The following PRKCA variants were observed in gnomAD, a reference collection of about 807,000 sequenced individuals.
The protein encoded by PRKCA is protein kinase C alpha.
In PRKCA, 27 loss-of-function variants were observed where a neutral mutation model predicts 87.0. That is an observed-to-expected ratio of 0.31 (90% CI 0.23 to 0.43). PRKCA has a LOEUF of 0.43. PRKCA is among the 20% of genes least tolerant of loss of function. The pLI, the probability that PRKCA is intolerant of heterozygous loss-of-function variation, is 1.00. For missense variants in PRKCA, 518 were observed against 852.3 expected (o/e 0.61, Z 4.88); for synonymous variants, 329 against 311.1 (o/e 1.06, Z -0.61).
intron 2 of PRKCA, among the ~76,000 whole-genome samples, chr17:66,382,240 A>G (rs866919202): frequency 1.3e-5 from 2 of 152,174 alleles, no homozygotes; most frequent in Non-Finnish European, 2.9e-5. Flanking sequence ...ACTCGGGGGC[A>G]ATGCACTGAA....
chr17:66,759,837 G>T (rs555685159), intron 13 of PRKCA, among the ~76,000 whole-genome samples: 1 of 152,224 alleles, frequency 6.6e-6, no homozygotes, highest in Non-Finnish European at 1.5e-5. Flanking sequence ...TCATGGAAGG[G>T]CATTACATAA....
At chr17:66,699,698 T>C (rs1237759981) in intron 8 of PRKCA, among the ~76,000 whole-genome samples, 1 of 152,220 alleles carries the variant, frequency 6.6e-6, no homozygotes, top group African/African-American at 2.4e-5. Flanking sequence ...GCAATCCTCC[T>C]GCCTCAGCCT....
intron 2 of PRKCA, among the ~76,000 whole-genome samples, chr17:66,426,500 C>T (rs558189993): frequency 2.0e-5 from 3 of 152,104 alleles, no homozygotes; most frequent in Non-Finnish European, 4.4e-5. Context: ...GTAAGTGAAA[C>T]GTTAAAAGAT....
intron 2 of PRKCA, among the ~76,000 whole-genome samples, chr17:66,389,954 T>C (rs1910271375): frequency 6.6e-6 from 1 of 152,256 alleles, no homozygotes; most frequent in Non-Finnish European, 1.5e-5. Flanking sequence ...CCGGGCGCAG[T>C]GGCTCACGCC....
intron 5 of PRKCA, among the ~76,000 whole-genome samples, chr17:66,667,667 A>C (rs73328237): frequency 0.079 from 12,074 of 152,178 alleles, 603 homozygotes; most frequent in East Asian, 0.15. Flanking sequence ...TTCAAAAGCC[A>C]CCCACACAGG....
At chr17:66,413,492 G>A (rs1598651616) in intron 2 of PRKCA, among the ~76,000 whole-genome samples, 1 of 152,174 alleles carries the variant, frequency 6.6e-6, no homozygotes, top group South Asian at 2.1e-4. Context: ...AGAGGTCAGA[G>A]GGTGGGGTTG....
At chr17:66,498,630 A>C (rs1032429684) in intron 3 of PRKCA, among the ~76,000 whole-genome samples, 1 of 152,246 alleles carries the variant, frequency 6.6e-6, no homozygotes, top group Non-Finnish European at 1.5e-5. Flanking sequence ...GAAGGCAGAC[A>C]TTAAAATATC....
At chr17:66,784,894 C>T (rs1026608490) in intron 14 of PRKCA, among the ~76,000 whole-genome samples, 3 of 152,220 alleles carry the variant, frequency 2.0e-5, no homozygotes, top group Non-Finnish European at 4.4e-5. Flanking sequence ...GGGGGCCTCT[C>T]AGGCTCCATG....
chr17:66,755,690 A>G (rs1974531940), intron 13 of PRKCA, among the ~76,000 whole-genome samples: 1 of 152,212 alleles, frequency 6.6e-6, no homozygotes, highest in African/African-American at 2.4e-5. Flanking sequence ...GAAAAAGTAC[A>G]GACTTCTGGT....
intron 2 of PRKCA, among the ~76,000 whole-genome samples, chr17:66,464,743 A>G (rs2143984482): frequency 6.6e-6 from 1 of 152,168 alleles, no homozygotes; most frequent in East Asian, 1.9e-4. Flanking sequence ...TTTAAGAGTT[A>G]TTTGTATATT....
chr17:66,744,981 C>G (rs1341512246), intron 13 of PRKCA, among the ~76,000 whole-genome samples: 3 of 152,248 alleles, frequency 2.0e-5, no homozygotes, highest in Non-Finnish European at 2.9e-5. Flanking sequence ...TCCCTCTTCT[C>G]CTACAAGGAT....
intron 3 of PRKCA, among the ~76,000 whole-genome samples, chr17:66,591,393 A>G (rs1969800626): frequency 6.6e-6 from 1 of 152,092 alleles, no homozygotes; most frequent in South Asian, 2.1e-4. Flanking sequence ...TCCCGGGCTC[A>G]AATGATCCTC....
intron 2 of PRKCA, among the ~76,000 whole-genome samples, chr17:66,314,194 G>A (rs919159960): frequency 1.3e-5 from 2 of 152,138 alleles, no homozygotes; most frequent in Non-Finnish European, 2.9e-5. Context: ...GGAGAGGAAA[G>A]AATGATGCCA....
chr17:66,457,932 C>T (rs7216431), intron 2 of PRKCA, among the ~76,000 whole-genome samples: 7,562 of 152,248 alleles, frequency 0.05, 624 homozygotes, highest in African/African-American at 0.17. Flanking sequence ...TGTACTCCTG[C>T]AGACCTCAAT....
chr17:66,434,750 A>G (rs1479841823), intron 2 of PRKCA, among the ~76,000 whole-genome samples: 2 of 152,152 alleles, frequency 1.3e-5, no homozygotes, highest in East Asian at 3.9e-4. Flanking sequence ...AGCTTGCTTA[A>G]CTTCTCTTGC....
chr17:66,645,402 C>T lies in PRKCA; in HGVS notation c.420C>T (p.His140=). ...MKCDTCDMNV[H]KQCVINVPSL... ...TCACAGCCTGCGATATGAACGTTCA[C>T]AAGCAATGCGTCATCAATGTCCCCA... The change falls in exon 5 of 17, where the codon CAC becomes CAT. Residue 140 remains histidine (H), a synonymous_variant. Transcript: ENST00000413366. The T allele has an allele frequency of 6.2e-7, 1 of 1,614,218 alleles. No individual in the cohort carries two copies. Among genetic ancestry groups the T allele is most frequent in the Non-Finnish European group, 8.5e-7 (1 of 1,180,034 alleles).
chr17:66,588,338 A>C (rs1443921435), intron 3 of PRKCA, among the ~76,000 whole-genome samples: 2 of 151,938 alleles, frequency 1.3e-5, no homozygotes, highest in African/African-American at 2.4e-5. Context: ...GTGATGCTTT[A>C]CTCACTGATT....
chr17:66,345,437 A>C (rs1167844307), intron 2 of PRKCA, among the ~76,000 whole-genome samples: 1 of 152,164 alleles, frequency 6.6e-6, no homozygotes, highest in Non-Finnish European at 1.5e-5. Context: ...TATATATGCC[A>C]TCACTTGCCT....
At chr17:66,308,378 A>G (rs1447422320) in intron 2 of PRKCA, among the ~76,000 whole-genome samples, 1 of 150,986 alleles carries the variant, frequency 6.6e-6, no homozygotes, top group African/African-American at 2.5e-5. Context: ...CATCTCCTGC[A>G]TTATGGGTGA....
Sources: allele counts gnomAD v4.1 joint callset (sites outside exome capture counted in the v4.1 genomes callset), GRCh38; gene constraint gnomAD v4.1.1; transcripts MANE v1.5; gene names NCBI Gene and HGNC (gene_info 2026-07-23, HGNC 2026-07-21).